AFF3: variants seen among roughly 807,000 people sequenced by gnomAD.
The protein encoded by AFF3 is AF4/FMR2 family member 3.
AFF3 carries 32 observed loss-of-function variants against 129.7 expected under a neutral mutation model. That is an observed-to-expected ratio of 0.25 (90% confidence interval 0.19 to 0.33). AFF3 has a LOEUF of 0.33. Ranked by LOEUF, AFF3 falls within the 10% of genes least tolerant of loss-of-function variation. The pLI, the probability that AFF3 is intolerant of heterozygous loss-of-function variation, is 1.00. For synonymous variants in AFF3, 644 were observed against 635.4 expected, an observed-to-expected ratio of 1.01 and a Z score of -0.20; for missense variants, 1,373 against 1,592.0, an observed-to-expected ratio of 0.86 and a Z score of 2.34.
At chr2:99,626,773 A>ATG (rs1171580882) in intron 13 of AFF3, among the ~76,000 whole-genome samples, 63 of 152,052 alleles carry the variant, frequency 4.1e-4, no homozygotes, top group African/African-American at 1.4e-3. Flanking sequence ...GTTCTCCTCT[A>ATG]TGTGTCCATG....
intron 11 of AFF3, among the ~76,000 whole-genome samples, chr2:99,709,085 G>C (rs1420499842): frequency 6.6e-6 from 1 of 152,224 alleles, no homozygotes; most frequent in Non-Finnish European, 1.5e-5. Flanking sequence ...GTGAGAAAAA[G>C]TATGGGCTCT....
chr2:99,777,496 T>C (rs573535244), intron 8 of AFF3, among the ~76,000 whole-genome samples: 1 of 152,162 alleles, frequency 6.6e-6, no homozygotes, highest in South Asian at 2.1e-4. Context: ...TGCTGAGTCA[T>C]GGGGAGTGGT....
intron 11 of AFF3, among the ~76,000 whole-genome samples, chr2:99,682,777 G>C (rs1351418355): frequency 6.6e-6 from 1 of 152,190 alleles, no homozygotes; most frequent in Non-Finnish European, 1.5e-5. Context: ...CCAGTGAGAG[G>C]CACCTGAATA....
intron 9 of AFF3, among the ~76,000 whole-genome samples, chr2:99,749,133 T>C (rs1012399359): frequency 3.3e-5 from 5 of 151,806 alleles, no homozygotes; most frequent in Non-Finnish European, 7.4e-5. Context: ...GGAGGTAATG[T>C]TCTCATCACC....
rs188702453 is a variant in AFF3 at position 99,678,281 on chromosome 2, G to A, written c.1092-5692C>T. Among the ~76,000 whole-genome samples, 11 of 152,258 alleles carry A rather than the reference G, an allele frequency of 7.2e-5. No homozygotes were observed. In the East Asian group the frequency reaches 2.1e-3, roughly 29 times the overall value. On this transcript the variant is annotated intron_variant, in intron 11 of 24. Coordinates refer to ENST00000672756, the MANE Select transcript of AFF3 (RefSeq NM_001386135.1). Reference sequence around the variant, plus strand: ...TTACCATAACTTCCCTGTGTGTATTGTTTTCTTAATTGAGCAAGTGATAAA... The same window carrying A: ...TTACCATAACTTCCCTGTGTGTATTATTTTCTTAATTGAGCAAGTGATAAA...
intron 13 of AFF3, among the ~76,000 whole-genome samples, chr2:99,627,113 G>A (rs973350281): frequency 1.3e-5 from 2 of 152,164 alleles, no homozygotes; most frequent in Non-Finnish European, 2.9e-5. Context: ...GAATTGCTGG[G>A]TTGAACAGTT....
intron 8 of AFF3, among the ~76,000 whole-genome samples, chr2:99,820,994 T>C (rs1446151936): frequency 6.7e-6 from 1 of 148,536 alleles, no homozygotes; most frequent in African/African-American, 2.5e-5. Flanking sequence ...TGCCTCAGCC[T>C]CCTGAGTAGC....
At chr2:100,001,538 T>C (rs62149310) in intron 7 of AFF3, among the ~76,000 whole-genome samples, 16,315 of 152,232 alleles carry the variant, frequency 0.11, 1,202 homozygotes, top group Non-Finnish European at 0.15. Flanking sequence ...AGGCAATTCT[T>C]CTGCCTCAGC....
intron 4 of AFF3, among the ~76,000 whole-genome samples, chr2:100,045,243 C>T (rs1685739225): frequency 1.3e-5 from 2 of 152,292 alleles, no homozygotes; most frequent in Admixed American, 1.3e-4. Flanking sequence ...CAGAAGACAA[C>T]TGAGCTAGGG....
intron 8 of AFF3, among the ~76,000 whole-genome samples, chr2:99,753,085 G>A (rs960139593): frequency 2.0e-5 from 3 of 152,068 alleles, no homozygotes; most frequent in Non-Finnish European, 4.4e-5. Flanking sequence ...CGAATTAGAT[G>A]TGAACCCTAT....
chr2:99,961,678 G>A (rs1282636018), intron 7 of AFF3, among the ~76,000 whole-genome samples: 1 of 152,166 alleles, frequency 6.6e-6, no homozygotes, highest in Non-Finnish European at 1.5e-5. Flanking sequence ...AATACCACAA[G>A]GGGCAGCCAA....
At chr2:99,607,504 C>T (rs1558638780) in intron 13 of AFF3, among the ~76,000 whole-genome samples, 1 of 151,832 alleles carries the variant, frequency 6.6e-6, no homozygotes, top group Non-Finnish European at 1.5e-5. Flanking sequence ...TGCACTCCAG[C>T]CTGGGCGACA....
At chr2:99,907,550 T>C (rs1281768195) in intron 7 of AFF3, among the ~76,000 whole-genome samples, 5 of 152,050 alleles carry the variant, frequency 3.3e-5, no homozygotes. Flanking sequence ...TTCTTTTTTT[T>C]TTTTTCTCAT....
chr2:99,630,858 T>C (rs1683058103), intron 13 of AFF3: 1 of 247,686 alleles, frequency 4.0e-6, no homozygotes, highest in Non-Finnish European at 9.0e-6. Context: ...CAATTCCAGA[T>C]GAGATTTGGG....
Position 99,594,045 on chromosome 2 carries a change from G to C in AFF3, c.1616C>G (p.Ala539Gly). 6.2e-7 allele frequency: 1 copy of C among 1,610,908 alleles called. No individual in the cohort carries two copies. Among genetic ancestry groups the C allele is most frequent in the African/African-American group, 1.3e-5 (1 of 74,966 alleles). Reference sequence around the variant, plus strand: ...CTGCTTCACGCCTTTACTCCCAGGGGCCTTGTTGGCTGTCCTTGGCCTTTG... The same window carrying C: ...CTGCTTCACGCCTTTACTCCCAGGGCCCTTGTTGGCTGTCCTTGGCCTTTG... Reference protein sequence around the residue: ...EEQRPRTANKAPGSKGVKQKS... With the variant: ...EEQRPRTANKGPGSKGVKQKS... Residue 539 changes from alanine to glycine, a missense_variant, in exon 15 of 25, where the codon GCC becomes GGC. Physicochemically the swap from Ala to Gly is moderately conservative, Grantham distance 60 (BLOSUM62 0). This residue lies in a region of AFF3 where 413 missense variants were observed against 424.4 expected (regional missense o/e 0.97). Transcript: ENST00000672756.
chr2:100,103,727 G>A (rs892973485), intron 4 of AFF3, among the ~76,000 whole-genome samples: 7 of 151,970 alleles, frequency 4.6e-5, no homozygotes, highest in Admixed American at 1.3e-4. Flanking sequence ...CGGGGCGCCC[G>A]GGTGGGGTGG....
intron 11 of AFF3, among the ~76,000 whole-genome samples, chr2:99,702,839 A>C (rs1464787069): frequency 6.6e-6 from 1 of 152,192 alleles, no homozygotes; most frequent in African/African-American, 2.4e-5. Flanking sequence ...GTTTACAAAT[A>C]GTTTCTCCCA....
At chr2:99,845,621 C>T (rs1300493701) in intron 7 of AFF3, among the ~76,000 whole-genome samples, 2 of 152,282 alleles carry the variant, frequency 1.3e-5, no homozygotes, top group African/African-American at 4.8e-5. Flanking sequence ...TGCAACTTGA[C>T]ATTGATAAGA....
chr2:99,732,682 T>C lies in AFF3; in HGVS notation c.1040-5554A>G, dbSNP rs111668733. On this transcript the variant is annotated intron_variant, in intron 10 of 24. Coordinates refer to ENST00000672756, the MANE Select transcript of AFF3 (RefSeq NM_001386135.1). ...TTTAGATTTTTGCCATCATGAACAA[T>C]AGAACTGCAAACATTCATGAACACC... Among the ~76,000 whole-genome samples, 1,340 of 152,298 alleles carry C rather than the reference T, an allele frequency of 8.8e-3. 17 individuals are homozygous for C. The highest frequency in any genetic ancestry group is 0.03 in the African/African-American group (1,236 of 41,560).
Sources: allele counts gnomAD v4.1 joint callset (sites outside exome capture counted in the v4.1 genomes callset), GRCh38; gene constraint gnomAD v4.1.1; regional missense constraint gnomAD v4.1.1; transcripts MANE v1.5; gene names NCBI Gene and HGNC (gene_info 2026-07-23, HGNC 2026-07-21).